Variants in TNS1 observed in about 807,000 individuals in gnomAD.
The protein encoded by TNS1 is tensin-1.
TNS1 carries 62 observed loss-of-function variants against 168.6 expected under a neutral mutation model. The ratio of observed to expected loss-of-function variants is 0.37; its 90% CI spans 0.30 to 0.45. The LOEUF (loss-of-function observed/expected upper bound fraction) is 0.45. Ranked by LOEUF, TNS1 falls within the 20% of genes least tolerant of loss-of-function variation. The probability of loss-of-function intolerance (pLI) is 1.00; values close to 1 mark genes in which losing one functional copy is unlikely to be tolerated. For missense variants in TNS1, 2,240 were observed against 2,339.4 expected, an observed-to-expected ratio of 0.96 and a Z score of 0.88; for synonymous variants, 934 against 933.2, an observed-to-expected ratio of 1.00 and a Z score of -0.02.
At chr2:217,899,939 T>G (rs759429023) in intron 7 of TNS1, among the ~76,000 whole-genome samples, 81 of 152,140 alleles carry the variant, frequency 5.3e-4, no homozygotes, top group South Asian at 4.1e-4. Flanking sequence ...AAACAAACTC[T>G]CTGGATCGCC....
In TNS1 at chr2:217,803,898, T is replaced by C. The variant is rs898058283; in HGVS notation, c.*561A>G. Reference sequence around the variant, plus strand: ...GACACACACCCACACGACAATATAGTGGAGGCACAGCAAAGAGACCTGAGG... The same window carrying C: ...GACACACACCCACACGACAATATAGCGGAGGCACAGCAAAGAGACCTGAGG... On this transcript the variant is annotated 3_prime_UTR_variant, in exon 33 of 33. Transcript: ENST00000682258. 3 of 154,956 alleles carry C rather than the reference T, an allele frequency of 1.9e-5. No individual in the cohort carries two copies. The highest frequency in any genetic ancestry group is 7.2e-5 in the African/African-American group (3 of 41,448). The allele number at this position is 154,956 out of a possible 1,614,324, so 9.6% of individuals were successfully genotyped here.
intron 4 of TNS1, among the ~76,000 whole-genome samples, chr2:217,919,770 G>A: frequency 6.6e-6 from 1 of 152,194 alleles, no homozygotes; most frequent in East Asian, 1.9e-4. Flanking sequence ...CAGAACAGAG[G>A]TCGCCTGTAG....
chr2:217,864,355 A>G (rs145591275), intron 18 of TNS1, among the ~76,000 whole-genome samples: 1,836 of 152,284 alleles, frequency 0.012, 7 homozygotes, highest in Non-Finnish European at 0.021. Context: ...CGTTAATGGA[A>G]GTTCCCTTGC....
In TNS1 at chr2:217,860,106, G is replaced by A. The variant is rs779255923; in HGVS notation, c.1430-11019C>T. 1.5e-4 allele frequency among the ~76,000 whole-genome samples: 23 copies of A among 152,186 alleles called. No homozygotes were observed. In the South Asian group the frequency reaches 1.7e-3, roughly 11 times the overall value. On this transcript the variant is annotated intron_variant, in intron 18 of 32. Transcript: ENST00000682258. ...CCTGAGCTATGGCTACCCCATCCTC[G>A]TGCCCAGACCTTCCCAGCTAAGTTT... is the stretch of plus-strand genomic sequence containing the variant.
chr2:218,023,931 A>G (rs775135873), intron 1 of TNS1, among the ~76,000 whole-genome samples: 22 of 150,552 alleles, frequency 1.5e-4, no homozygotes, highest in Non-Finnish European at 2.4e-4. Context: ...AAGTCAGCAG[A>G]CTTCAGAGAG....
At chr2:217,959,871 G>A (rs114376064) in intron 3 of TNS1, among the ~76,000 whole-genome samples, 3,330 of 151,746 alleles carry the variant, frequency 0.022, 100 homozygotes, top group African/African-American at 0.076. Context: ...CCAGGAATGC[G>A]GCTGGGGCTG....
At chr2:217,804,680 C>T in intron 32 of TNS1, 77 bp from the exon 33 acceptor site, 1 of 1,575,904 alleles carries the variant, frequency 6.3e-7, no homozygotes, top group Non-Finnish European at 8.6e-7. Context: ...CCCAGGTGAG[C>T]AAGCTGGTCT....
intron 18 of TNS1, chr2:217,850,017 G>A: frequency 1.0e-6 from 1 of 985,392 alleles, no homozygotes; most frequent in South Asian, 4.7e-5. Flanking sequence ...CACATTTCCA[G>A]AGGCTCCTCC....
At chr2:217,905,515 G>A (rs1368630217) in intron 6 of TNS1, 21 of 287,716 alleles carry the variant, frequency 7.3e-5, no homozygotes, top group South Asian at 4.7e-4. Flanking sequence ...CCTCCCCACC[G>A]TGGGTCAGGC....
intron 3 of TNS1, among the ~76,000 whole-genome samples, chr2:217,977,192 A>C (rs527477908): frequency 6.6e-6 from 1 of 152,212 alleles, no homozygotes; most frequent in Non-Finnish European, 1.5e-5. Context: ...AGAAAACTGG[A>C]AAGTTCTGGA....
intron 9 of TNS1, 113 bp downstream of exon 9, chr2:217,894,893 C>T: frequency 4.9e-6 from 5 of 1,019,936 alleles, no homozygotes; most frequent in Non-Finnish European, 7.5e-6. Context: ...TATAAGTCGG[C>T]ACTCTGACAA....
At position 218,024,028 on chromosome 2, in the gene TNS1, G is replaced by A. The variant is rs1177743638; in HGVS notation, c.156+9792C>T. Reference sequence around the variant, plus strand: ...GCCTGCCCACTGTGTCCCAGAGCTTGGCATATGCTCTATACTCCGAAGCTG... The same window carrying A: ...GCCTGCCCACTGTGTCCCAGAGCTTAGCATATGCTCTATACTCCGAAGCTG... On this transcript the variant is annotated intron_variant, in intron 1 of 1. Coordinates refer to the TNS1 transcript ENST00000649572. Among the ~76,000 whole-genome samples the A allele has an allele frequency of 2.6e-5, 4 of 152,224 alleles. No individual in the cohort carries two copies. The East Asian group carries it at 5.8e-4, about 22-fold the overall frequency.
intron 1 of TNS1, among the ~76,000 whole-genome samples, chr2:218,017,825 C>T (rs1468172608): frequency 6.6e-6 from 1 of 152,218 alleles, no homozygotes; most frequent in East Asian, 1.9e-4. Flanking sequence ...TCAACCACAA[C>T]CCCTCCTGGC....
chr2:217,820,381 A>G (rs1303796225), intron 23 of TNS1, among the ~76,000 whole-genome samples: 1 of 152,180 alleles, frequency 6.6e-6, no homozygotes, highest in East Asian at 1.9e-4. Context: ...CTCCTGAGCA[A>G]CGCAGGCTGC....
intron 23 of TNS1, among the ~76,000 whole-genome samples, chr2:217,819,506 G>A (rs1942480174): frequency 6.6e-6 from 1 of 152,168 alleles, no homozygotes; most frequent in African/African-American, 2.4e-5. Context: ...TGAGCTCAGA[G>A]GTCACTACCA....
chr2:217,982,667 T>G (rs1958084988), intron 2 of TNS1, among the ~76,000 whole-genome samples: 1 of 152,188 alleles, frequency 6.6e-6, no homozygotes, highest in Non-Finnish European at 1.5e-5. Context: ...TTTCCAAAAG[T>G]GCTAGGATTA....
At chr2:217,890,713 T>C (rs1951659189) in intron 12 of TNS1, 1 of 560,484 alleles carries the variant, frequency 1.8e-6, no homozygotes, top group Non-Finnish European at 3.2e-6. Context: ...CCCATGAAGG[T>C]TGCACTGCTC....
chr2:217,872,557 A>G (rs968674423), intron 18 of TNS1, among the ~76,000 whole-genome samples: 1 of 152,194 alleles, frequency 6.6e-6, no homozygotes, highest in Non-Finnish European at 1.5e-5. Context: ...TAGAAAATAA[A>G]TGTGGGTGAG....
intron 21 of TNS1, among the ~76,000 whole-genome samples, chr2:217,833,973 G>A (rs1341242343): frequency 6.6e-6 from 1 of 152,128 alleles, no homozygotes; most frequent in Non-Finnish European, 1.5e-5. Context: ...AGGATATTTT[G>A]GATTTAACAA....
Sources: allele counts gnomAD v4.1 joint callset (sites outside exome capture counted in the v4.1 genomes callset), GRCh38; gene constraint gnomAD v4.1.1; transcripts MANE v1.5; gene names NCBI Gene and HGNC (gene_info 2026-07-23, HGNC 2026-07-21).